DSTYK: variants seen among roughly 807,000 people sequenced by gnomAD.
DSTYK encodes the protein dual serine/threonine and tyrosine protein kinase.
Under a neutral mutation model 98.7 loss-of-function variants are expected in DSTYK, and 34 were observed. The observed-to-expected ratio is 0.34, with a 90% CI of 0.26 to 0.46. The LOEUF is 0.46. Ranked by LOEUF, DSTYK falls within the 20% of genes least tolerant of loss-of-function variation. DSTYK has a pLI of 1.00. For missense variants in DSTYK, 962 were observed against 1,181.7 expected, an observed-to-expected ratio of 0.81 and a Z score of 2.73; for synonymous variants, 462 against 457.3, an observed-to-expected ratio of 1.01 and a Z score of -0.13.
At chr1:205,155,434 C>T (rs1470093500) in intron 10 of DSTYK, among the ~76,000 whole-genome samples, 8 of 151,788 alleles carry the variant, frequency 5.3e-5, no homozygotes, top group Non-Finnish European at 7.4e-5. Flanking sequence ...TTTGGGAGGC[C>T]GAGGTGGGCG....
rs2102401339 is a variant in DSTYK at position 205,162,046 on chromosome 1, G to A, written c.1808C>T (p.Ser603Phe). The change falls in exon 6 of 13, where the codon TCC becomes TTC. Residue 603 changes from serine to phenylalanine, a missense_variant. Coordinates refer to ENST00000367162, the MANE Select transcript of DSTYK (RefSeq NM_015375.3). Reference sequence around the variant, plus strand: ...TTCCTACATACCAACCTGCCGCAAGGAGGCTGCAAAAGCCTCGTGGGAACT... The same window carrying A: ...TTCCTACATACCAACCTGCCGCAAGAAGGCTGCAAAAGCCTCGTGGGAACT... The part of the protein sequence containing the change: ...LNSSHEAFAA[S>F]LRQLEAGHSG... The A allele has an allele frequency of 6.2e-7, 1 of 1,613,492 alleles. No individual in the cohort carries two copies. The highest frequency in any genetic ancestry group is 8.5e-7 in the Non-Finnish European group (1 of 1,179,504).
At chr1:205,190,684 T>C (rs573128968) in intron 1 of DSTYK, among the ~76,000 whole-genome samples, 1 of 146,372 alleles carries the variant, frequency 6.8e-6, no homozygotes, top group Admixed American at 6.8e-5. Context: ...TTAACTACCA[T>C]AGTCTCAGCT....
At chr1:205,164,989 A>C (rs944970938) in intron 3 of DSTYK, among the ~76,000 whole-genome samples, 1 of 152,128 alleles carries the variant, frequency 6.6e-6, no homozygotes, top group Non-Finnish European at 1.5e-5. Flanking sequence ...CAGCTTTTGA[A>C]CCCAGTGCTC....
rs12566532 is a variant in DSTYK, at chr1:205,193,082, G to A, written c.266-5276C>T. 5.3e-5 allele frequency among the ~76,000 whole-genome samples: 8 copies of A among 152,120 alleles called. No individual in the cohort carries two copies. The East Asian group carries it at 1.3e-3, about 26-fold the overall frequency. On this transcript the variant is annotated intron_variant, in intron 1 of 12. Transcript: ENST00000367162. Reference sequence around the variant, plus strand: ...AGGAATAAAGCATATGGAGAAAACCGCAGCATTACCACTGGCTGGTACACA... The same window carrying A: ...AGGAATAAAGCATATGGAGAAAACCACAGCATTACCACTGGCTGGTACACA...
rs77626160 is a variant in DSTYK at position 205,163,896 on chromosome 1, G to A, written c.1384C>T (p.Arg462Ter). ...VGTREIKCCIRQIQELIISRL... is the reference protein window; with the variant it reads ...VGTREIKCCI Reference sequence around the variant, plus strand: ...GAGATGATGAGTTCCTGGATCTGTCGGATGCAGCATTTGATCTCTCTGGTG... The same window carrying A: ...GAGATGATGAGTTCCTGGATCTGTCAGATGCAGCATTTGATCTCTCTGGTG... Residue 462 changes from arginine (R) to a stop codon, truncating the protein, a stop_gained, in exon 4 of 13, where the codon CGA becomes TGA. Transcript: ENST00000367162. LOFTEE classifies it high-confidence loss of function. 1.9e-6 allele frequency: 3 copies of A among 1,613,956 alleles called. No individual in the cohort carries two copies. The highest frequency in any genetic ancestry group is 2.7e-5 in the African/African-American group (2 of 74,890).
rs1213071099 is a variant in DSTYK, at chr1:205,173,258, C to G, written c.655-3426G>C. 5.3e-5 allele frequency: 8 copies of G among 151,796 alleles called. No individual in the cohort carries two copies. The South Asian group carries it at 1.0e-3, about 20-fold the overall frequency. 9.4% of individuals were successfully genotyped at this position (151,796 alleles called of 1,614,324 possible). Reference sequence around the variant, plus strand: ...AAAATACAAAAATTAGCCAGACATGCTGGTGCACACCTATAATTCCAGCTA... The same window carrying G: ...AAAATACAAAAATTAGCCAGACATGGTGGTGCACACCTATAATTCCAGCTA... On this transcript the variant is annotated intron_variant, in intron 2 of 12. Transcript: ENST00000367162.
chr1:205,169,044 G>A lies in DSTYK; in HGVS notation c.1324+119C>T, dbSNP rs1657971673. The A allele has an allele frequency of 9.4e-6, 8 of 854,588 alleles. No homozygotes were observed. The highest frequency in any genetic ancestry group is 1.5e-5 in the Non-Finnish European group (8 of 547,980). The allele number at this position is 854,588 out of a possible 1,614,324, so 52.9% of individuals were successfully genotyped here. On this transcript the variant is annotated intron_variant, in intron 3 of 12. Transcript: ENST00000367162. This position sits in a 1 kb window ranked among gnomAD's most constrained non-coding sequence, Gnocchi z 4.0. ...GTGGGCTCCTGCTGGTAACAGTGGG[G>A]TGGATGAAGTTACCCTGAGATTCCT...
At chr1:205,162,843 T>C in intron 5 of DSTYK, 80 bp downstream of exon 5, 7 of 1,081,420 alleles carry the variant, frequency 6.5e-6, no homozygotes, top group Non-Finnish European at 5.7e-6. Context: ...ATCCTAGATA[T>C]CTGTTTCCTA....
Position 205,211,673 on chromosome 1 carries a change from C to A in DSTYK, c.-138G>T. On this transcript the variant is annotated 5_prime_UTR_variant, in exon 1 of 13. Coordinates refer to ENST00000367162, the MANE Select transcript of DSTYK (RefSeq NM_015375.3). ...CTGCAGTCAGCCTGGCTCCCAACCT[C>A]CGTCACTGCCGTTGCAAACAAACCA... 8.4e-7 allele frequency: 1 copy of A among 1,188,374 alleles called. No homozygotes were observed. The allele number at this position is 1,188,374 out of a possible 1,614,324, so 73.6% of individuals were successfully genotyped here.
At chr1:205,200,590 T>C (rs78009409) in intron 1 of DSTYK, among the ~76,000 whole-genome samples, 1,714 of 152,336 alleles carry the variant, frequency 0.011, 28 homozygotes, top group African/African-American at 0.039. Flanking sequence ...GAAAATCCTC[T>C]GGGAGAGACA....
At chr1:205,170,604 G>C (rs558264735) in intron 2 of DSTYK, among the ~76,000 whole-genome samples, 6 of 152,258 alleles carry the variant, frequency 3.9e-5, no homozygotes, top group African/African-American at 1.4e-4. Flanking sequence ...TGAGTCTGTA[G>C]ATATCCCGAA....
At chr1:205,207,873 G>GTATT (rs1203054233) in intron 1 of DSTYK, among the ~76,000 whole-genome samples, 2 of 147,754 alleles carry the variant, frequency 1.4e-5, no homozygotes, top group Admixed American at 6.8e-5. Context: ...CTTTATTTAT[G>GTATT]TATTTATTTA....
chr1:205,178,418 G>T (rs911013268), intron 2 of DSTYK, among the ~76,000 whole-genome samples: 1 of 151,914 alleles, frequency 6.6e-6, no homozygotes, highest in Non-Finnish European at 1.5e-5. Context: ...TTATTCTCTT[G>T]CCACTTACTA....
chr1:205,166,934 A>G (rs952803790), intron 3 of DSTYK, among the ~76,000 whole-genome samples: 1 of 152,240 alleles, frequency 6.6e-6, no homozygotes, highest in Non-Finnish European at 1.5e-5. Flanking sequence ...AAGGAATATG[A>G]TGATGAATAA....
Position 205,150,863 on chromosome 1 carries a change from C to A in DSTYK, c.2353-69G>T. 4.1e-6 allele frequency: 5 copies of A among 1,233,634 alleles called. No individual in the cohort carries two copies. The highest frequency in any genetic ancestry group is 6.0e-6 in the Non-Finnish European group (5 of 839,436). The allele number at this position is 1,233,634 out of a possible 1,614,324, so 76.4% of individuals were successfully genotyped here. The stretch of plus-strand genomic sequence containing the variant: ...CACACAGCACTGCTGCGTACCTAAG[C>A]TCAAAGGTAGGTACCTCAAAGTAGT... On this transcript the variant is annotated intron_variant, in intron 10 of 12. Coordinates refer to ENST00000367162, the MANE Select transcript of DSTYK (RefSeq NM_015375.3). The surrounding 1 kb of genome is among the most constrained non-coding windows in gnomAD (Gnocchi z 4.1).
In DSTYK at chr1:205,147,623, T is replaced by C; in HGVS notation, c.2725A>G (p.Ile909Val). The stretch of plus-strand genomic sequence containing the variant: ...TTGGACTTGCAGAGCCGATTCATGA[T>C]GCCCTGGAGCATGGGCTGGACAATG... ...LGIVQPMLQG[I>V]MNRLCKSNSE... Residue 909 changes from isoleucine (I) to valine (V), a missense_variant, in exon 13 of 13, where the codon ATC (isoleucine) becomes GTC (valine). Transcript: ENST00000367162. The C allele has an allele frequency of 6.2e-7, 1 of 1,614,088 alleles. No individual in the cohort carries two copies. Among genetic ancestry groups the C allele is most frequent in the Non-Finnish European group, 8.5e-7 (1 of 1,179,906 alleles).
rs774542193 is a variant in DSTYK at position 205,163,937 on chromosome 1, T to C, written c.1343A>G (p.Asn448Ser). Residue 448 changes from asparagine (N) to serine (S), a missense_variant, in exon 4 of 13, where the codon AAT (asparagine) becomes AGT (serine). Transcript: ENST00000367162. ...MEFKDVIVPE[N>S]GEPVGTREIK... ...CTCTCTGGTGCCTACTGGTTCTCCA[T>C]TCTCAGGGACAATGACGTCTATGGA... is the stretch of plus-strand genomic sequence containing the variant. 1.1e-5 allele frequency: 17 copies of C among 1,613,980 alleles called. No homozygotes were observed. The highest frequency in any genetic ancestry group is 1.4e-5 in the Non-Finnish European group (16 of 1,180,002).
At chr1:205,172,808 C>G (rs1658104690) in intron 2 of DSTYK, among the ~76,000 whole-genome samples, 1 of 152,074 alleles carries the variant, frequency 6.6e-6, no homozygotes, top group Admixed American at 6.6e-5. Flanking sequence ...TAAGTCAATC[C>G]ACCCTTTATC....
chr1:205,207,967 C>G (rs1238328597), intron 1 of DSTYK, among the ~76,000 whole-genome samples: 1 of 151,874 alleles, frequency 6.6e-6, no homozygotes, highest in Non-Finnish European at 1.5e-5. Context: ...ACCTCCACCT[C>G]CCACATTCAA....
Sources: allele counts gnomAD v4.1 joint callset (sites outside exome capture counted in the v4.1 genomes callset), GRCh38; gene constraint gnomAD v4.1.1; non-coding constraint Gnocchi (gnomAD v3.1); transcripts MANE v1.5; gene names NCBI Gene and HGNC (gene_info 2026-07-23, HGNC 2026-07-21).